Variants in BRCA2 observed in about 807,000 individuals in gnomAD.
BRCA2 encodes BRCA2 DNA repair associated, also known as breast cancer type 2 susceptibility protein.
BRCA2 carries 203 observed loss-of-function variants against 276.7 expected under a neutral mutation model. That is an observed-to-expected ratio of 0.73 (90% confidence interval 0.65 to 0.82). The LOEUF (loss-of-function observed/expected upper bound fraction) is 0.82, where lower values mean the gene tolerates loss of function less well. BRCA2 is among the 40% of genes least tolerant of loss of function. The pLI is 0.00. For synonymous variants in BRCA2, 1,289 were observed against 1,338.4 expected, an observed-to-expected ratio of 0.96 and a Z score of 0.81; for missense variants, 3,920 against 3,915.0, an observed-to-expected ratio of 1.00 and a Z score of -0.03.
At chr13:32,322,094 A>G (rs1252052052) in intron 3 of BRCA2, among the ~76,000 whole-genome samples, 1 of 152,212 alleles carries the variant, frequency 6.6e-6, no homozygotes, top group African/African-American at 2.4e-5. Context: ...CCATTATGGC[A>G]TTATACAGAA....
chr13:32,388,838 A>G (rs2072979192), intron 24 of BRCA2, among the ~76,000 whole-genome samples: 3 of 152,074 alleles, frequency 2.0e-5, no homozygotes, highest in Admixed American at 6.6e-5. Context: ...CGGGTTATAA[A>G]TTTTTATCCA....
At chr13:32,388,144 G>C (rs1164883034) in intron 24 of BRCA2, among the ~76,000 whole-genome samples, 1 of 149,858 alleles carries the variant, frequency 6.7e-6, no homozygotes, top group Non-Finnish European at 1.5e-5. Context: ...TTTGAGTTAG[G>C]GTCTCACTCT....
rs1263475023 is a variant in BRCA2, at chr13:32,376,659, T to C, written c.8633-11T>C. ...CAGTTTAGTGAATTAATAATCCTTT[T>C]GTTTTCTTAGAAAACACAACAAAAC... On this transcript the variant is annotated splice_polypyrimidine_tract_variant and intron_variant, in intron 20 of 26. Coordinates refer to ENST00000380152, the MANE Select transcript of BRCA2 (RefSeq NM_000059.4). The C allele has an allele frequency of 1.2e-6, 2 of 1,613,772 alleles. No individual in the cohort carries two copies. The highest frequency in any genetic ancestry group is 1.1e-5 in the South Asian group (1 of 91,050).
At chr13:32,324,282 G>A (rs1290652200) in intron 3 of BRCA2, among the ~76,000 whole-genome samples, 1 of 152,190 alleles carries the variant, frequency 6.6e-6, no homozygotes, top group South Asian at 2.1e-4. Flanking sequence ...GCCTGAAAGA[G>A]TTGTTCCAGG....
At chr13:32,331,308 T>C (rs1296904576) in intron 9 of BRCA2, among the ~76,000 whole-genome samples, 1 of 152,202 alleles carries the variant, frequency 6.6e-6, no homozygotes, top group Non-Finnish European at 1.5e-5. Context: ...CCTGAACTAC[T>C]CTTTTTAATT....
Position 32,346,864 on chromosome 13 carries a change from T to C in BRCA2, c.6975T>C (p.Val2325=), listed in dbSNP as rs781466318. The change falls in exon 13 of 27, where the codon GTT becomes GTC. Residue 2325 remains valine (V), a synonymous_variant. Coordinates refer to ENST00000380152, the MANE Select transcript of BRCA2 (RefSeq NM_000059.4). ...IKDRRLFMHH[V]SLEPITCVPF... ...ATCGAAGATTGTTTATGCATCATGT[T>C]TCTTTAGAGCCGATTACCTGTGTAC... The C allele has an allele frequency of 3.7e-6, 6 of 1,610,682 alleles. No individual in the cohort carries two copies. Among genetic ancestry groups the C allele is most frequent in the Non-Finnish European group, 3.4e-6 (4 of 1,178,200 alleles).
intron 24 of BRCA2, among the ~76,000 whole-genome samples, chr13:32,389,937 G>A (rs1006503947): frequency 3.3e-5 from 5 of 152,170 alleles, no homozygotes; most frequent in African/African-American, 4.8e-5. Context: ...CATTTTACCA[G>A]TTTAGTTGGG....
At chr13:32,386,678 T>C (rs999413291) in intron 24 of BRCA2, among the ~76,000 whole-genome samples, 2 of 152,150 alleles carry the variant, frequency 1.3e-5, no homozygotes, top group African/African-American at 2.4e-5. Context: ...CCCAGTGTAA[T>C]TCTTGACTCT....
Position 32,398,322 on chromosome 13 carries a change from C to T in BRCA2, c.9809C>T (p.Ala3270Val), listed in dbSNP as rs2137663998. ...CAAAAGAACTGCAAAAAGAGAAGAG[C>T]CTTGGATTTCTTGAGTAGACTGCCT... ...DDQKNCKKRR[A>V]LDFLSRLPLP... Residue 3270 changes from alanine (A) to valine (V), a missense_variant, in exon 27 of 27, where the codon GCC becomes GTC. Coordinates refer to ENST00000380152, the MANE Select transcript of BRCA2 (RefSeq NM_000059.4). 1 of 1,614,098 alleles carries T rather than the reference C, an allele frequency of 6.2e-7. No individual in the cohort carries two copies. Among genetic ancestry groups the T allele is most frequent in the South Asian group, 1.1e-5 (1 of 91,086 alleles).
At position 32,333,034 on chromosome 13, in the gene BRCA2, G is replaced by C; in HGVS notation, c.1556G>C (p.Ser519Thr). The change falls in exon 10 of 27, where the codon AGT (serine) becomes ACT (threonine). Residue 519 changes from serine to threonine, a missense_variant. By Grantham distance (58) the Ser-to-Thr change is moderately conservative. This residue lies in a region of BRCA2 where 3,263 missense variants were observed against 3,156.9 expected (regional missense o/e 1.03). Coordinates refer to ENST00000380152, the MANE Select transcript of BRCA2 (RefSeq NM_000059.4). Reference sequence around the variant, plus strand: ...TCACCTAAAGAGACTTTCAATGCAAGTTTTTCAGGTCATATGACTGATCCA... The same window carrying C: ...TCACCTAAAGAGACTTTCAATGCAACTTTTTCAGGTCATATGACTGATCCA... Reference protein sequence around the residue: ...RESPKETFNASFSGHMTDPNF... With the variant: ...RESPKETFNATFSGHMTDPNF... 6.3e-7 allele frequency: 1 copy of C among 1,596,862 alleles called. No individual in the cohort carries two copies. Among genetic ancestry groups the C allele is most frequent in the Non-Finnish European group, 8.5e-7 (1 of 1,175,648 alleles).
rs1555280114 is a variant in BRCA2 at position 32,316,520 on chromosome 13, C to T, written c.60C>T (p.Asn20=). Reference sequence around the variant, plus strand: ...TTGAAATTTTTAAGACACGCTGCAACAAAGCAGGTATTGACAAATTTTATA... The same window carrying T: ...TTGAAATTTTTAAGACACGCTGCAATAAAGCAGGTATTGACAAATTTTATA... The part of the protein sequence containing the change: ...TFFEIFKTRC[N]KADLGPISLN... The change falls in exon 2 of 27, where the codon AAC becomes AAT. Residue 20 remains asparagine, a synonymous_variant. Transcript: ENST00000380152. 1 of 1,613,616 alleles carries T rather than the reference C, an allele frequency of 6.2e-7. No individual in the cohort carries two copies. The highest frequency in any genetic ancestry group is 2.2e-5 in the East Asian group (1 of 44,874).
intron 11 of BRCA2, among the ~76,000 whole-genome samples, chr13:32,341,642 G>A (rs1296733859): frequency 2.0e-5 from 3 of 152,038 alleles, no homozygotes; most frequent in Non-Finnish European, 2.9e-5. Context: ...CGAGGCGGGC[G>A]GATCACGAGG....
intron 7 of BRCA2, among the ~76,000 whole-genome samples, chr13:32,329,242 G>A (rs1014367239): frequency 6.6e-6 from 1 of 152,130 alleles, no homozygotes; most frequent in African/African-American, 2.4e-5. Context: ...CACCTTGTGA[G>A]TAGTACTAAG....
At chr13:32,393,418 A>G (rs1424047133) in intron 24 of BRCA2, among the ~76,000 whole-genome samples, 1 of 151,706 alleles carries the variant, frequency 6.6e-6, no homozygotes, top group South Asian at 2.1e-4. Context: ...AAGAACATTT[A>G]TTTTATTCTG....
rs80358876 is a variant in BRCA2, at chr13:32,340,758, A to T, written c.6403A>T (p.Asn2135Tyr). The T allele has an allele frequency of 6.2e-7, 1 of 1,604,804 alleles. No individual in the cohort carries two copies. Among genetic ancestry groups the T allele is most frequent in the Non-Finnish European group, 8.5e-7 (1 of 1,177,332 alleles). ...TCSKEFKLSNNLNVEGGSSEN... is the reference protein window; with the variant it reads ...TCSKEFKLSNYLNVEGGSSEN... ...CAGTAAAGAATTTAAATTATCAAAT[A>T]ACTTAAATGTTGAAGGTGGTTCTTC... Residue 2135 changes from asparagine to tyrosine, a missense_variant, in exon 11 of 27, where the codon AAC (asparagine) becomes TAC (tyrosine). Coordinates refer to ENST00000380152, the MANE Select transcript of BRCA2 (RefSeq NM_000059.4).
In BRCA2 at chr13:32,339,304, G is replaced by A. The variant is rs2137511986; in HGVS notation, c.4949G>A (p.Ser1650Asn). 6.2e-7 allele frequency: 1 copy of A among 1,604,070 alleles called. No homozygotes were observed. The highest frequency in any genetic ancestry group is 8.5e-7 in the Non-Finnish European group (1 of 1,176,692). The change falls in exon 11 of 27, where the codon AGT (serine) becomes AAT (asparagine). Residue 1650 changes from serine to asparagine, a missense_variant. Coordinates refer to ENST00000380152, the MANE Select transcript of BRCA2 (RefSeq NM_000059.4). The part of the protein sequence containing the change: ...HENVEKETAK[S>N]PATCYTNQSP... ...AATGTAGAAAAAGAAACAGCAAAAAGTCCTGCAACTTGTTACACAAATCAG... is the reference window on the plus strand; with the variant it reads ...AATGTAGAAAAAGAAACAGCAAAAAATCCTGCAACTTGTTACACAAATCAG...
In BRCA2 at chr13:32,336,676, C is replaced by T. The variant is rs1239876081; in HGVS notation, c.2321C>T (p.Thr774Ile). ...ENASTLILTP[T>I]SKDVLSNLVM... ...GCCAGCACTCTTATTTTAACTCCTA[C>T]TTCCAAGGATGTTCTGTCAAACCTA... is the stretch of plus-strand genomic sequence containing the variant. The change falls in exon 11 of 27, where the codon ACT becomes ATT. Residue 774 changes from threonine (T) to isoleucine (I), a missense_variant. Coordinates refer to ENST00000380152, the MANE Select transcript of BRCA2 (RefSeq NM_000059.4). The T allele has an allele frequency of 6.2e-7, 1 of 1,613,876 alleles. No individual in the cohort carries two copies. Among genetic ancestry groups the T allele is most frequent in the Non-Finnish European group, 8.5e-7 (1 of 1,179,804 alleles).
At chr13:32,345,750 T>G (rs1030684095) in intron 12 of BRCA2, among the ~76,000 whole-genome samples, 1 of 152,078 alleles carries the variant, frequency 6.6e-6, no homozygotes, top group Non-Finnish European at 1.5e-5. Flanking sequence ...CTTATACATA[T>G]AACTTAAATG....
Position 32,332,644 on chromosome 13 carries a change from C to A in BRCA2, c.1166C>A (p.Pro389Gln), listed in dbSNP as rs397507263. Residue 389 changes from proline to glutamine, a missense_variant, in exon 10 of 27, where the codon CCG becomes CAG. By Grantham distance (76) the Pro-to-Gln change is moderately conservative. This residue lies in a region of BRCA2 where 3,263 missense variants were observed against 3,156.9 expected (regional missense o/e 1.03). Coordinates refer to ENST00000380152, the MANE Select transcript of BRCA2 (RefSeq NM_000059.4). ...GACAAAATCTCCAAGGAAGTTGTAC[C>A]GTCTTTGGCCTGTGAATGGTCTCAA... is the stretch of plus-strand genomic sequence containing the variant. ...GSDKISKEVV[P>Q]SLACEWSQLT... 319 of 1,613,902 alleles carry A rather than the reference C, an allele frequency of 2.0e-4. 5 individuals carry two copies. The South Asian group carries it at 3.2e-3, about 16-fold the overall frequency.
Sources: gnomAD v4.1 joint callset for allele counts (sites outside exome capture counted in the v4.1 genomes callset) on GRCh38, gnomAD v4.1.1 for gene constraint, gnomAD v4.1.1 regional missense constraint, MANE v1.5 for transcripts, NCBI Gene and HGNC (gene_info 2026-07-23, HGNC 2026-07-21) for gene names.